PCDHA8: variants seen among roughly 807,000 people sequenced by gnomAD.
The protein encoded by PCDHA8 is protocadherin alpha-8.
In PCDHA8, 53 loss-of-function variants were observed where a neutral mutation model predicts 61.8. The observed-to-expected ratio is 0.86, with a 90% CI of 0.69 to 1.08. PCDHA8 has a LOEUF of 1.08. PCDHA8 is among the 50% of genes least tolerant of loss of function. The pLI is 0.00. For synonymous variants in PCDHA8, 618 were observed against 556.6 expected (o/e 1.11, Z -1.55); for missense variants, 1,293 against 1,245.0 (o/e 1.04, Z -0.58).
chr5:140,989,597 G>A (rs1168398697), intron 3 of PCDHA8, among the ~76,000 whole-genome samples: 1 of 152,144 alleles, frequency 6.6e-6, no homozygotes, highest in Non-Finnish European at 1.5e-5. Flanking sequence ...ACTGACACAA[G>A]TAAACTAAAA....
At chr5:140,888,048 A>G (rs534072281) in intron 1 of PCDHA8, among the ~76,000 whole-genome samples, 40 of 152,296 alleles carry the variant, frequency 2.6e-4, no homozygotes, top group African/African-American at 9.4e-4. Context: ...TGTATAATAG[A>G]TGTTTTAACT....
At chr5:140,960,179 G>A (rs1379423809) in intron 1 of PCDHA8, among the ~76,000 whole-genome samples, 1 of 152,106 alleles carries the variant, frequency 6.6e-6, no homozygotes, top group Non-Finnish European at 1.5e-5. Flanking sequence ...TAAGTTAGGG[G>A]TTGCATGTGT....
intron 1 of PCDHA8, chr5:140,870,474 C>G: frequency 6.2e-7 from 1 of 1,614,218 alleles, no homozygotes; most frequent in South Asian, 1.1e-5. Context: ...TCGCACAGCC[C>G]GAGTACACCG....
At position 140,849,787 on chromosome 5, in the gene PCDHA8, G is replaced by T. The variant is rs1421161535; in HGVS notation, c.2394+6072G>T. 3 of 1,598,342 alleles carry T rather than the reference G, an allele frequency of 1.9e-6. 1 individual carries two copies. In the African/African-American group the frequency reaches 4.0e-5, roughly 21 times the overall value. On this transcript the variant is annotated intron_variant, in intron 1 of 3. Transcript: ENST00000531613. Reference sequence around the variant, plus strand: ...CTGGTGGTTACCGCGCGGGACGGGGGCTCGCCTTCACTGTGGGCCACGGCC... The same window carrying T: ...CTGGTGGTTACCGCGCGGGACGGGGTCTCGCCTTCACTGTGGGCCACGGCC...
intron 1 of PCDHA8, among the ~76,000 whole-genome samples, chr5:140,889,730 A>C (rs1554184026): frequency 6.6e-6 from 1 of 152,198 alleles, no homozygotes; most frequent in East Asian, 1.9e-4. Flanking sequence ...TGTCTCACTG[A>C]GTAGCAGAGT....
Position 140,842,497 on chromosome 5 carries a change from T to A in PCDHA8, c.1176T>A (p.His392Gln). 6.2e-7 allele frequency: 1 copy of A among 1,613,888 alleles called. No homozygotes were observed. The highest frequency in any genetic ancestry group is 2.2e-5 in the East Asian group (1 of 44,874). The change falls in exon 1 of 4, where the codon CAT becomes CAA. Residue 392 changes from histidine (H) to glutamine (Q), a missense_variant. Coordinates refer to ENST00000531613, the MANE Select transcript of PCDHA8 (RefSeq NM_018911.3). ...AGGTGACCTGCTCCCTGATGCCCCA[T>A]GTCCCCTTCAAGCTGGTGTCCACCT... Reference protein sequence around the residue: ...NGQVTCSLMPHVPFKLVSTFK... With the variant: ...NGQVTCSLMPQVPFKLVSTFK...
At chr5:140,967,156 G>A (rs1169438367) in intron 1 of PCDHA8, 1 of 1,610,422 alleles carries the variant, frequency 6.2e-7, no homozygotes, top group Admixed American at 1.7e-5. Context: ...ACCCCGTGGC[G>A]GTGAGCGCCG....
intron 1 of PCDHA8, among the ~76,000 whole-genome samples, chr5:140,965,764 A>G (rs2095932618): frequency 6.6e-6 from 1 of 152,258 alleles, no homozygotes; most frequent in Non-Finnish European, 1.5e-5. Flanking sequence ...AATGGGTCAA[A>G]TAATAGATTT....
At chr5:140,856,906 C>A (rs2044264701) in intron 1 of PCDHA8, 5 of 1,596,020 alleles carry the variant, frequency 3.1e-6, no homozygotes, top group Non-Finnish European at 2.6e-6. Flanking sequence ...TGGTCCCACC[C>A]ACGATAAGAA....
At chr5:140,844,453 C>T (rs1452241460) in intron 1 of PCDHA8, among the ~76,000 whole-genome samples, 5 of 148,746 alleles carry the variant, frequency 3.4e-5, no homozygotes, top group Non-Finnish European at 7.5e-5. Context: ...TGTATTGTCG[C>T]CAACTTAACA....
intron 1 of PCDHA8, 52 bp downstream of exon 1, chr5:140,843,767 T>A (rs2150366421): frequency 4.0e-6 from 6 of 1,487,048 alleles, no homozygotes; most frequent in African/African-American, 1.4e-5. Context: ...GAAATTGTAG[T>A]TACTTTAAAA....
At chr5:140,997,563 A>G (rs891862395) in intron 3 of PCDHA8, among the ~76,000 whole-genome samples, 7 of 152,202 alleles carry the variant, frequency 4.6e-5, no homozygotes, top group Non-Finnish European at 8.8e-5. Context: ...GACAACTGTC[A>G]TATGTGTGGT....
chr5:140,862,677 G>T, intron 1 of PCDHA8: 1 of 550,930 alleles, frequency 1.8e-6, no homozygotes. Context: ...AGGAGAACGT[G>T]CTGGTGTCCT....
At chr5:140,984,139 C>T (rs2097088415) in intron 3 of PCDHA8, among the ~76,000 whole-genome samples, 1 of 152,178 alleles carries the variant, frequency 6.6e-6, no homozygotes. Flanking sequence ...GATGTGGAGG[C>T]ATCTGGGAAG....
intron 2 of PCDHA8, among the ~76,000 whole-genome samples, chr5:140,981,838 C>T (rs916108739): frequency 3.9e-5 from 6 of 152,086 alleles, no homozygotes; most frequent in Admixed American, 6.6e-5. Context: ...AAAGGTCTCC[C>T]AGTTTGTATC....
At position 141,009,636 on chromosome 5, in the gene PCDHA8, C is replaced by T. The variant is rs782321757; in HGVS notation, c.2552C>T (p.Ala851Val). ...ATGTTTTGTCTTTCAGAACCAGAGG[C>T]AGGAGAAGTGTCCCCTCCAGTCGGT... ...TVSSATPEPE[A>V]GEVSPPVGAG... Residue 851 changes from alanine (A) to valine (V), a missense_variant, in exon 4 of 4, where the codon GCA becomes GTA. Physicochemically the swap from Ala to Val is moderately conservative, Grantham distance 64. Transcript: ENST00000531613. 3.7e-6 allele frequency: 6 copies of T among 1,613,192 alleles called. No homozygotes were observed. Among genetic ancestry groups the T allele is most frequent in the Non-Finnish European group, 4.2e-6 (5 of 1,179,532 alleles).
rs182361197 is a variant in PCDHA8, at chr5:140,979,956, T to G, written c.2453+949T>G. 2.0e-5 allele frequency among the ~76,000 whole-genome samples: 3 copies of G among 152,378 alleles called. No homozygotes were observed. In the East Asian group the frequency reaches 5.8e-4, roughly 29 times the overall value. ...GTGTAGAGTTAATGTGAAATTAGTT[T>G]TAGCCCATTAAAATGCATTAGATTG... On this transcript the variant is annotated intron_variant, in intron 2 of 3. Transcript: ENST00000531613.
At chr5:141,009,173 G>A (rs1486905042) in intron 3 of PCDHA8, among the ~76,000 whole-genome samples, 3 of 152,204 alleles carry the variant, frequency 2.0e-5, no homozygotes, top group African/African-American at 7.2e-5. Flanking sequence ...TACTGGCCTT[G>A]GCTGGGTGTG....
chr5:140,897,349 A>G (rs539353387), intron 1 of PCDHA8, among the ~76,000 whole-genome samples: 33 of 107,320 alleles, frequency 3.1e-4, no homozygotes, highest in African/African-American at 1.0e-3. Flanking sequence ...CCACCCCACA[A>G]CTGTCCCCAG....
Sources: gnomAD v4.1 joint callset for allele counts (sites outside exome capture counted in the v4.1 genomes callset) on GRCh38, gnomAD v4.1.1 for gene constraint, MANE v1.5 for transcripts, NCBI Gene and HGNC (gene_info 2026-07-23, HGNC 2026-07-21) for gene names.